Variants in OXR1 observed in about 807,000 individuals in gnomAD.
OXR1 encodes the protein oxidation resistance 1.
A neutral mutation model predicts 104.6 loss-of-function variants in OXR1; 41 were observed. The observed-to-expected ratio is 0.39, with a 90% CI of 0.31 to 0.51. The LOEUF (loss-of-function observed/expected upper bound fraction) is 0.51, where lower values mean the gene tolerates loss of function less well. Ranked by LOEUF, OXR1 falls within the 20% of genes least tolerant of loss-of-function variation. The pLI, the probability that OXR1 is intolerant of heterozygous loss-of-function variation, is 0.77. For missense variants in OXR1, 955 were observed against 1,031.9 expected, an observed-to-expected ratio of 0.93 and a Z score of 1.02; for synonymous variants, 348 against 348.4, an observed-to-expected ratio of 1.00 and a Z score of 0.01.
At chr8:106,288,071 C>T (rs560117180) in intron 1 of OXR1, among the ~76,000 whole-genome samples, 1 of 152,316 alleles carries the variant, frequency 6.6e-6, no homozygotes, top group Admixed American at 6.5e-5. Flanking sequence ...TGGACACACC[C>T]ATGCAGAATG....
intron 7 of OXR1, among the ~76,000 whole-genome samples, chr8:106,698,995 G>A (rs1830338294): frequency 6.6e-6 from 1 of 151,922 alleles, no homozygotes; most frequent in South Asian, 2.1e-4. Flanking sequence ...CTTTTTATCT[G>A]GGACACAGTT....
intron 2 of OXR1, among the ~76,000 whole-genome samples, chr8:106,470,714 C>T (rs933413487): frequency 3.3e-5 from 5 of 151,732 alleles, no homozygotes; most frequent in Admixed American, 3.3e-4. Flanking sequence ...TGCTCTGGGG[C>T]ATCCAACATT....
At chr8:106,374,652 T>C (rs770869737) in intron 2 of OXR1, among the ~76,000 whole-genome samples, 23 of 152,186 alleles carry the variant, frequency 1.5e-4, no homozygotes, top group Admixed American at 2.6e-4. Flanking sequence ...TTGATCTAGG[T>C]CTGTTTAGAT....
intron 1 of OXR1, among the ~76,000 whole-genome samples, chr8:106,286,382 T>G (rs1812502822): frequency 6.7e-6 from 1 of 149,370 alleles, no homozygotes; most frequent in East Asian, 1.9e-4. Flanking sequence ...GGTTTTTTTT[T>G]TTTTTTTTCA....
At position 106,673,832 on chromosome 8, in the gene OXR1, T is replaced by G. The variant is rs557788532; in HGVS notation, c.221-5378T>G. Among the ~76,000 whole-genome samples the G allele has an allele frequency of 5.3e-5, 8 of 152,318 alleles. No homozygotes were observed. In the East Asian group the frequency reaches 1.5e-3, roughly 29 times the overall value. On this transcript the variant is annotated intron_variant, in intron 3 of 16. Coordinates refer to ENST00000517566, the MANE Select transcript of OXR1 (RefSeq NM_001198533.2). ...ATTTAGAGGATACAAGTCCTAAGCCTTGGCGGTTTACGTGCGGTGGTGTGC... is the reference window on the plus strand; with the variant it reads ...ATTTAGAGGATACAAGTCCTAAGCCGTGGCGGTTTACGTGCGGTGGTGTGC...
At chr8:106,743,288 A>G (rs1366640041) in intron 15 of OXR1, among the ~76,000 whole-genome samples, 1 of 152,256 alleles carries the variant, frequency 6.6e-6, no homozygotes, top group Non-Finnish European at 1.5e-5. Flanking sequence ...GATGCTGGCA[A>G]GGTTGCAGAG....
chr8:106,679,066 C>T (rs1478077279), intron 3 of OXR1, 144 bp from the exon 4 acceptor site: 5 of 451,168 alleles, frequency 1.1e-5, no homozygotes, highest in African/African-American at 4.1e-5. Flanking sequence ...TTGACAGTTG[C>T]TTGATTTTTA....
intron 2 of OXR1, among the ~76,000 whole-genome samples, chr8:106,404,561 T>G (rs1818138044): frequency 6.6e-6 from 1 of 151,978 alleles, no homozygotes; most frequent in Non-Finnish European, 1.5e-5. Context: ...TTCTACCACA[T>G]AAAAACTGGG....
chr8:106,716,342 AGGCCGGGCGCGG>A (rs1832247943), intron 11 of OXR1, among the ~76,000 whole-genome samples: 1 of 95,480 alleles, frequency 1.0e-5, no homozygotes, highest in Admixed American at 9.1e-5. Flanking sequence ...TACACACTGG[AGGCCGGGCGCGG>A]TGGCTCACGC....
At chr8:106,542,614 T>G (rs1815044531) in intron 3 of OXR1, among the ~76,000 whole-genome samples, 1 of 152,128 alleles carries the variant, frequency 6.6e-6, no homozygotes. Flanking sequence ...CACCTATTTT[T>G]TTTTCTTTTT....
At chr8:106,740,973 G>T (rs1232195827) in intron 14 of OXR1, among the ~76,000 whole-genome samples, 1 of 151,902 alleles carries the variant, frequency 6.6e-6, no homozygotes, top group African/African-American at 2.4e-5. Context: ...CTAATGAGAA[G>T]GTAAAATAGC....
intron 2 of OXR1, among the ~76,000 whole-genome samples, chr8:106,466,067 TC>T (rs1821156590): frequency 6.6e-6 from 1 of 152,144 alleles, no homozygotes; most frequent in South Asian, 2.1e-4. Context: ...TGTATAAACT[TC>T]TAATAGTCCA....
At chr8:106,575,303 A>G (rs145639928) in intron 3 of OXR1, among the ~76,000 whole-genome samples, 68 of 152,274 alleles carry the variant, frequency 4.5e-4, no homozygotes, top group African/African-American at 1.6e-3. Context: ...CTTAATCTAT[A>G]TTGCTAAATC....
chr8:106,697,436 G>A, intron 7 of OXR1: 1 of 1,526,804 alleles, frequency 6.5e-7, no homozygotes, highest in Non-Finnish European at 9.0e-7. Flanking sequence ...AAAGGATCTG[G>A]TGTGGCATCC....
chr8:106,683,919 T>A lies in OXR1; in HGVS notation c.412-327T>A, dbSNP rs147143679. ...TTTAAATGTAAGTATTTCTGTAGGG[T>A]GAATTCTTAGAAGTAAAGTTACTAT... On this transcript the variant is annotated intron_variant, in intron 5 of 16. Transcript: ENST00000517566. Among the ~76,000 whole-genome samples, 224 of 152,260 alleles carry A rather than the reference T, an allele frequency of 1.5e-3. 1 individual carries two copies. Among genetic ancestry groups the A allele is most frequent in the African/African-American group, 5.0e-3 (209 of 41,546 alleles).
intron 1 of OXR1, among the ~76,000 whole-genome samples, chr8:106,344,328 G>GT (rs999441084): frequency 6.6e-6 from 1 of 151,538 alleles, no homozygotes; most frequent in African/African-American, 2.4e-5. Flanking sequence ...TTTTGTTTTT[G>GT]TTTTTGTTTT....
chr8:106,323,826 G>A (rs1418077335), intron 1 of OXR1, among the ~76,000 whole-genome samples: 2 of 152,144 alleles, frequency 1.3e-5, no homozygotes. Flanking sequence ...TCTCATGCCA[G>A]TCAGAGTGGC....
In OXR1 at chr8:106,707,089, A is replaced by G; in HGVS notation, c.1568A>G (p.Gln523Arg). ...QTKQQRENIQ[Q>R]VSQKEAKHKI... Reference sequence around the variant, plus strand: ...AAACAGCAAAGGGAAAATATTCAACAAGTGTCACAAAAAGAAGCTAAGCAT... The same window carrying G: ...AAACAGCAAAGGGAAAATATTCAACGAGTGTCACAAAAAGAAGCTAAGCAT... The change falls in exon 9 of 17, where the codon CAA (glutamine) becomes CGA (arginine). Residue 523 changes from glutamine to arginine, a missense_variant. Gln to Arg is a conservative substitution (Grantham distance 43). Coordinates refer to ENST00000517566, the MANE Select transcript of OXR1 (RefSeq NM_001198533.2). The G allele has an allele frequency of 6.2e-7, 1 of 1,613,950 alleles. No individual in the cohort carries two copies. The highest frequency in any genetic ancestry group is 1.7e-4 in the Middle Eastern group (1 of 6,060).
chr8:106,305,188 A>G (rs536560989), intron 1 of OXR1, among the ~76,000 whole-genome samples: 5 of 152,254 alleles, frequency 3.3e-5, no homozygotes, highest in South Asian at 2.1e-4. Context: ...CACTCCATCA[A>G]TGAATTGTAT....
Sources: allele counts gnomAD v4.1 joint callset (sites outside exome capture counted in the v4.1 genomes callset), GRCh38; gene constraint gnomAD v4.1.1; transcripts MANE v1.5; gene names NCBI Gene and HGNC (gene_info 2026-07-23, HGNC 2026-07-21).